The following ADAMTSL3 variants were observed in gnomAD, a reference collection of about 807,000 sequenced individuals.
ADAMTSL3 encodes the protein ADAMTS like 3, also known as ADAMTS-like protein 3.
Under a neutral mutation model 201.7 loss-of-function variants are expected in ADAMTSL3, and 128 were observed. That is an observed-to-expected ratio of 0.63 (90% confidence interval 0.55 to 0.73). The LOEUF (loss-of-function observed/expected upper bound fraction) is 0.73. Among genes scored for constraint, ADAMTSL3 ranks in the 30% least tolerant of loss-of-function variants. The pLI is 0.00. For synonymous variants in ADAMTSL3, 738 were observed against 748.4 expected, an observed-to-expected ratio of 0.99 and a Z score of 0.23; for missense variants, 1,990 against 2,119.6, an observed-to-expected ratio of 0.94 and a Z score of 1.20.
intron 4 of ADAMTSL3, among the ~76,000 whole-genome samples, chr15:83,783,189 A>G (rs1170546668): frequency 6.6e-6 from 1 of 151,662 alleles, no homozygotes; most frequent in Non-Finnish European, 1.5e-5. Context: ...AAAATAGACA[A>G]TTTACCTTCA....
chr15:83,965,613 TAGAC>T (rs1351036037), intron 19 of ADAMTSL3, among the ~76,000 whole-genome samples: 2 of 152,102 alleles, frequency 1.3e-5, no homozygotes, highest in East Asian at 1.9e-4. Flanking sequence ...CTGTCAACAT[TAGAC>T]AGATCAACAG....
Position 83,991,142 on chromosome 15 carries a change from C to G in ADAMTSL3, c.3901C>G (p.Leu1301Val), listed in dbSNP as rs1356797722. 20 of 1,614,098 alleles carry G rather than the reference C, an allele frequency of 1.2e-5. No individual in the cohort carries two copies. The highest frequency in any genetic ancestry group is 2.2e-5 in the East Asian group (1 of 44,902). Reference sequence around the variant, plus strand: ...TATCACCAAACCAGAGCACAACCATCTGTCTGTTGTGGTTGGAGGCATCGT... The same window carrying G: ...TATCACCAAACCAGAGCACAACCATGTGTCTGTTGTGGTTGGAGGCATCGT... ...RNITKPEHNHLSVVVGGIVEA... is the reference protein window; with the variant it reads ...RNITKPEHNHVSVVVGGIVEA... The change falls in exon 23 of 30, where the codon CTG (leucine) becomes GTG (valine). Residue 1301 changes from leucine to valine, a missense_variant. By Grantham distance (32) the Leu-to-Val change is conservative (BLOSUM62 1). Transcript: ENST00000286744.
intron 6 of ADAMTSL3, among the ~76,000 whole-genome samples, chr15:83,821,117 A>T (rs890551238): frequency 9.2e-5 from 14 of 152,248 alleles, no homozygotes; most frequent in African/African-American, 3.4e-4. Context: ...AGGTTGTGAG[A>T]CAGGGATGGC....
At position 83,913,274 on chromosome 15, in the gene ADAMTSL3, G is replaced by T; in HGVS notation, c.1883G>T (p.Ser628Ile). 1 of 1,614,052 alleles carries T rather than the reference G, an allele frequency of 6.2e-7. No individual in the cohort carries two copies. The highest frequency in any genetic ancestry group is 8.5e-7 in the Non-Finnish European group (1 of 1,180,034). ...TGCCTCCTGGAAGCATGTGATGAGA[G>T]CCCGGCCTCCCGAGAGCTAGACATC... Reference protein sequence around the residue: ...RPCLLEACDESPASRELDIPL... With the variant: ...RPCLLEACDEIPASRELDIPL... The change falls in exon 16 of 30, where the codon AGC becomes ATC. Residue 628 changes from serine to isoleucine, a missense_variant. Ser to Ile is a moderately radical substitution (Grantham distance 142). Coordinates refer to ENST00000286744, the MANE Select transcript of ADAMTSL3 (RefSeq NM_207517.3).
intron 3 of ADAMTSL3, chr15:83,739,886 C>G (rs2062427738): frequency 1.7e-6 from 1 of 593,088 alleles, no homozygotes; most frequent in Non-Finnish European, 3.3e-6. Flanking sequence ...GCCTGACGAC[C>G]AGATGCCAGT....
At chr15:83,792,869 A>G (rs986978329) in intron 4 of ADAMTSL3, among the ~76,000 whole-genome samples, 6 of 152,282 alleles carry the variant, frequency 3.9e-5, no homozygotes, top group African/African-American at 1.4e-4. Context: ...TCAAGATATC[A>G]AAGAGATATC....
rs1567092987 is a variant in ADAMTSL3 at position 83,714,789 on chromosome 15, C to CTTTCTTTCTTTCTT, written c.189+10286_189+10287insTTCTTTCTTTTTCT. On this transcript the variant is annotated intron_variant, in intron 3 of 29. Coordinates refer to ENST00000286744, the MANE Select transcript of ADAMTSL3 (RefSeq NM_207517.3). ...TTTCTTTCTTTCTTTCTTTCTTTTT[C>CTTTCTTTCTTTCTT]TTTCTCTCTCTTTCTTTCTTCTTTC... Among the ~76,000 whole-genome samples, 542 of 75,284 alleles carry CTTTCTTTCTTTCTT rather than the reference C, an allele frequency of 7.2e-3. 33 individuals are homozygous for CTTTCTTTCTTTCTT. The highest frequency in any genetic ancestry group is 0.023 in the African/African-American group (526 of 23,252). 49.4% of individuals were successfully genotyped at this position (75,284 alleles called of 152,430 possible).
intron 5 of ADAMTSL3, among the ~76,000 whole-genome samples, chr15:83,818,089 G>A (rs1596260907): frequency 6.6e-6 from 1 of 152,068 alleles, no homozygotes; most frequent in East Asian, 1.9e-4. Context: ...AATTATAATG[G>A]AGGGCAATTT....
intron 3 of ADAMTSL3, among the ~76,000 whole-genome samples, chr15:83,716,610 G>GTGTGTGTGTGTGTGT (rs1201138410): frequency 3.3e-5 from 5 of 149,454 alleles, no homozygotes; most frequent in African/African-American, 1.2e-4. Flanking sequence ...TTATTTCTTT[G>GTGTGTGTGTGTGTGT]TGTGTGTGTG....
intron 3 of ADAMTSL3, among the ~76,000 whole-genome samples, chr15:83,772,654 C>T (rs562036880): frequency 6.6e-6 from 1 of 151,990 alleles, no homozygotes; most frequent in Non-Finnish European, 1.5e-5. Context: ...TTGGGAGTTA[C>T]CGCCAGTCTG....
Position 83,872,627 on chromosome 15 carries a change from C to CACACAGAGAG in ADAMTSL3, c.960+1669_960+1670insCACAGAGAGA, listed in dbSNP as rs6145659. On this transcript the variant is annotated intron_variant, in intron 9 of 29. Transcript: ENST00000286744. ...ACACACACACACACACACACACACACAGAGTTTTTGTTCTCTTTTAATTAC... is the reference window on the plus strand; with the variant it reads ...ACACACACACACACACACACACACACACACAGAGAGAGAGTTTTTGTTCTCTTTTAATTAC... Among the ~76,000 whole-genome samples, 1,049 of 141,008 alleles carry CACACAGAGAG rather than the reference C, an allele frequency of 7.4e-3. 20 individuals carry two copies. The highest frequency in any genetic ancestry group is 0.028 in the African/African-American group (992 of 35,956). The allele number at this position is 141,008 out of a possible 152,430, so 92.5% of individuals were successfully genotyped here.
chr15:83,671,901 T>C (rs766527161), intron 2 of ADAMTSL3, among the ~76,000 whole-genome samples: 7 of 152,232 alleles, frequency 4.6e-5, no homozygotes, highest in Admixed American at 1.3e-4. Context: ...AAGATTAAAT[T>C]CTGCTTTCCA....
At chr15:83,907,582 T>G (rs944378932) in intron 15 of ADAMTSL3, among the ~76,000 whole-genome samples, 1 of 152,134 alleles carries the variant, frequency 6.6e-6, no homozygotes. Context: ...TTTTGTATTT[T>G]TAGTAGAGAC....
chr15:83,804,636 C>G lies in ADAMTSL3; in HGVS notation c.318-14C>G. The G allele has an allele frequency of 2.6e-6, 3 of 1,154,130 alleles. No homozygotes were observed. Among genetic ancestry groups the G allele is most frequent in the Non-Finnish European group, 3.5e-6 (3 of 866,412 alleles). 71.5% of individuals were successfully genotyped at this position (1,154,130 alleles called of 1,614,324 possible). On this transcript the variant is annotated splice_polypyrimidine_tract_variant and intron_variant, in intron 4 of 29. Transcript: ENST00000286744. ...AATCATTATTTCTTCTTTCTTCTTT[C>G]TTTTTTCCTTTAGGAATTGTGAAGG...
At chr15:83,985,706 T>G (rs908621432) in intron 21 of ADAMTSL3, among the ~76,000 whole-genome samples, 1 of 152,122 alleles carries the variant, frequency 6.6e-6, no homozygotes, top group African/African-American at 2.4e-5. Flanking sequence ...CATCTCAGCT[T>G]ACTGCAACCT....
intron 2 of ADAMTSL3, among the ~76,000 whole-genome samples, chr15:83,660,409 T>G (rs556955738): frequency 5.8e-4 from 88 of 152,290 alleles, no homozygotes; most frequent in Non-Finnish European, 9.7e-4. Flanking sequence ...TGTGGGTAAA[T>G]CAGCTCAAGG....
chr15:83,786,695 A>AT (rs1477373833), intron 4 of ADAMTSL3, among the ~76,000 whole-genome samples: 10 of 151,788 alleles, frequency 6.6e-5, no homozygotes, highest in Non-Finnish European at 1.0e-4. Context: ...CTTATCCTGT[A>AT]TTTTTTTGTC....
At chr15:83,987,617 G>A (rs987012394) in intron 21 of ADAMTSL3, among the ~76,000 whole-genome samples, 2 of 152,166 alleles carry the variant, frequency 1.3e-5, no homozygotes, top group Non-Finnish European at 2.9e-5. Context: ...TCAGTGGGCG[G>A]GTCTGAGTTT....
intron 4 of ADAMTSL3, among the ~76,000 whole-genome samples, chr15:83,780,483 A>G (rs1160969747): frequency 6.6e-6 from 1 of 152,074 alleles, no homozygotes; most frequent in East Asian, 1.9e-4. Context: ...AGAGCCATCT[A>G]TGACAAACCC....
Sources: gnomAD v4.1 joint callset for allele counts (sites outside exome capture counted in the v4.1 genomes callset) on GRCh38, gnomAD v4.1.1 for gene constraint, MANE v1.5 for transcripts, NCBI Gene and HGNC (gene_info 2026-07-23, HGNC 2026-07-21) for gene names.